The following RBFOX1 variants were observed in gnomAD, a reference collection of about 807,000 sequenced individuals.
The protein encoded by RBFOX1 is RNA binding protein fox-1 homolog 1.
In RBFOX1, 8 loss-of-function variants were observed where a neutral mutation model predicts 57.7. The ratio of observed to expected loss-of-function variants is 0.14; its 90% CI spans 0.08 to 0.25. RBFOX1 has a LOEUF of 0.25. Ranked by LOEUF, RBFOX1 falls within the 10% of genes least tolerant of loss-of-function variation. The pLI is 1.00. For missense variants in RBFOX1, 611 were observed against 548.5 expected (o/e 1.11, Z -1.14); for synonymous variants, 326 against 222.4 (o/e 1.47, Z -4.15).
At chr16:7,245,827 A>G (rs914723462) in intron 4 of RBFOX1, among the ~76,000 whole-genome samples, 1 of 151,970 alleles carries the variant, frequency 6.6e-6, no homozygotes, top group Admixed American at 6.6e-5. Flanking sequence ...CACTCATGCA[A>G]CTCTTCACAA....
At chr16:5,867,977 G>A (rs1468129747) in intron 4 of RBFOX1, among the ~76,000 whole-genome samples, 1 of 152,134 alleles carries the variant, frequency 6.6e-6, no homozygotes, top group African/African-American at 2.4e-5. Context: ...CTCCTAAAAT[G>A]CAGGGATTAT....
At chr16:5,932,975 C>G (rs912874678) in intron 4 of RBFOX1, among the ~76,000 whole-genome samples, 2 of 152,096 alleles carry the variant, frequency 1.3e-5, no homozygotes, top group African/African-American at 2.4e-5. Context: ...AAAAGCGACA[C>G]AATATTTTAA....
intron 3 of RBFOX1, among the ~76,000 whole-genome samples, chr16:5,733,622 T>G (rs2052462780): frequency 6.6e-6 from 1 of 152,176 alleles, no homozygotes; most frequent in Admixed American, 6.5e-5. Flanking sequence ...AGGTGCCTCA[T>G]GATGTTACTC....
chr16:6,676,026 G>A (rs190339184), intron 3 of RBFOX1, among the ~76,000 whole-genome samples: 11 of 152,140 alleles, frequency 7.2e-5, no homozygotes, highest in African/African-American at 2.4e-4. Context: ...AAGGAAAAGA[G>A]GTCCTCAAAA....
chr16:6,055,904 A>G (rs1231350807), intron 1 of RBFOX1, among the ~76,000 whole-genome samples: 2 of 152,128 alleles, frequency 1.3e-5, no homozygotes, highest in African/African-American at 4.8e-5. Flanking sequence ...TGGATGTTTG[A>G]TTTTACTAAT....
chr16:6,681,141 A>G (rs972057439), intron 3 of RBFOX1, among the ~76,000 whole-genome samples: 6 of 151,994 alleles, frequency 3.9e-5, no homozygotes, highest in Non-Finnish European at 7.4e-5. Flanking sequence ...TGAGACCCCC[A>G]TCTCTACTAA....
intron 4 of RBFOX1, among the ~76,000 whole-genome samples, chr16:7,149,334 C>G (rs1283502368): frequency 6.6e-6 from 1 of 152,028 alleles, no homozygotes; most frequent in East Asian, 1.9e-4. Context: ...AGAGTCAAGT[C>G]TCTTGGTTTT....
chr16:6,241,417 C>G (rs577364868), intron 1 of RBFOX1, among the ~76,000 whole-genome samples: 2 of 151,982 alleles, frequency 1.3e-5, no homozygotes, highest in Admixed American at 6.5e-5. Flanking sequence ...AATAAATTGT[C>G]AAAAATAATA....
At chr16:7,105,188 A>G (rs1056599293) in intron 4 of RBFOX1, among the ~76,000 whole-genome samples, 1 of 151,788 alleles carries the variant, frequency 6.6e-6, no homozygotes, top group Non-Finnish European at 1.5e-5. Flanking sequence ...AACCAGTCAC[A>G]TTGGCTTGGC....
intron 3 of RBFOX1, among the ~76,000 whole-genome samples, chr16:6,989,348 C>G (rs1270276348): frequency 1.3e-5 from 2 of 152,166 alleles, no homozygotes; most frequent in African/African-American, 4.8e-5. Flanking sequence ...CTGTATCAGT[C>G]TGTCTTTTGA....
intron 1 of RBFOX1, among the ~76,000 whole-genome samples, chr16:6,109,475 A>C (rs2096419058): frequency 2.0e-5 from 3 of 152,150 alleles, no homozygotes; most frequent in African/African-American, 7.2e-5. Flanking sequence ...TTTTTCACTC[A>C]TGAGGCATAA....
chr16:6,357,123 C>T (rs2087479465), intron 2 of RBFOX1, among the ~76,000 whole-genome samples: 1 of 151,960 alleles, frequency 6.6e-6, no homozygotes, highest in South Asian at 2.1e-4. Flanking sequence ...GCCCTGCTTG[C>T]GGATTTTATT....
At chr16:5,782,396 G>C (rs1395130265) in intron 3 of RBFOX1, among the ~76,000 whole-genome samples, 1 of 152,178 alleles carries the variant, frequency 6.6e-6, no homozygotes, top group Non-Finnish European at 1.5e-5. Context: ...TCTCAGTCAA[G>C]CTCTTTTATA....
intron 2 of RBFOX1, among the ~76,000 whole-genome samples, chr16:5,522,179 A>T (rs775527391): frequency 6.6e-6 from 1 of 152,238 alleles, no homozygotes; most frequent in Admixed American, 6.5e-5. Flanking sequence ...GGTTAAACCC[A>T]TGGAGGAATT....
At chr16:5,877,528 G>C (rs1433581990) in intron 4 of RBFOX1, among the ~76,000 whole-genome samples, 1 of 152,232 alleles carries the variant, frequency 6.6e-6, no homozygotes, top group East Asian at 1.9e-4. Context: ...TGCAGGGCAG[G>C]CGAGCCCCAC....
At chr16:6,824,544 T>A (rs2091849671) in intron 3 of RBFOX1, among the ~76,000 whole-genome samples, 1 of 151,762 alleles carries the variant, frequency 6.6e-6, no homozygotes, top group African/African-American at 2.4e-5. Context: ...ATATCTCCTA[T>A]TTTTCTTAAT....
intron 2 of RBFOX1, among the ~76,000 whole-genome samples, chr16:5,586,981 C>G (rs1039642704): frequency 8.5e-5 from 13 of 152,076 alleles, no homozygotes; most frequent in African/African-American, 2.9e-4. Context: ...CCTGTGCTGC[C>G]CAGATGCCCT....
At chr16:6,636,201 C>T (rs369589644) in intron 2 of RBFOX1, among the ~76,000 whole-genome samples, 80 of 152,216 alleles carry the variant, frequency 5.3e-4, no homozygotes, top group African/African-American at 1.8e-3. Flanking sequence ...GATGGAGTCT[C>T]GCTCTGTCGC....
rs567115164 is a variant in RBFOX1, at chr16:6,971,562, C to T, written c.-15-80495C>T. On this transcript the variant is annotated intron_variant, in intron 3 of 15. Coordinates refer to ENST00000550418, the MANE Select transcript of RBFOX1 (RefSeq NM_018723.4). ...GAATTTTGAGCAAAAGAAATGTGTTCCCAGTTTACATTATTAAAAGATCAC... is the reference window on the plus strand; with the variant it reads ...GAATTTTGAGCAAAAGAAATGTGTTTCCAGTTTACATTATTAAAAGATCAC... Among the ~76,000 whole-genome samples, 6 of 151,764 alleles carry T rather than the reference C, an allele frequency of 4.0e-5. No individual in the cohort carries two copies. In the South Asian group the frequency reaches 1.3e-3, roughly 32 times the overall value.
Sources: allele counts gnomAD v4.1 joint callset (sites outside exome capture counted in the v4.1 genomes callset), GRCh38; gene constraint gnomAD v4.1.1; transcripts MANE v1.5; gene names NCBI Gene and HGNC (gene_info 2026-07-23, HGNC 2026-07-21).